DACH2: variants seen among roughly 807,000 people sequenced by gnomAD.
DACH2 encodes dachshund homolog 2.
Under a neutral mutation model 35.8 loss-of-function variants are expected in DACH2, and 17 were observed. The ratio of observed to expected loss-of-function variants is 0.48; its 90% confidence interval spans 0.33 to 0.71. The LOEUF is 0.71. Among genes scored for constraint, DACH2 ranks in the 30% least tolerant of loss-of-function variants. The probability of loss-of-function intolerance (pLI) is 0.02; values close to 1 mark genes in which losing one functional copy is unlikely to be tolerated. For missense variants in DACH2, 469 were observed against 472.7 expected, an observed-to-expected ratio of 0.99 and a Z score of 0.07; for synonymous variants, 195 against 177.3, an observed-to-expected ratio of 1.10 and a Z score of -0.79.
intron 7 of DACH2, among the ~76,000 whole-genome samples, chrX:86,788,824 C>A (rs373310885): frequency 1.0e-4 from 11 of 107,604 alleles, no homozygotes; most frequent in African/African-American, 3.7e-4. Flanking sequence ...CTTTTTTTAA[C>A]CTCCTTGATA....
intron 1 of DACH2, among the ~76,000 whole-genome samples, chrX:86,228,503 G>C (rs1422675925): frequency 1.8e-5 from 2 of 109,244 alleles, no homozygotes; most frequent in African/African-American, 6.7e-5. Flanking sequence ...TGGATCAAAT[G>C]GTGGTTCTAC....
At chrX:86,378,785 T>A (rs955519463) in intron 2 of DACH2, among the ~76,000 whole-genome samples, 12 of 110,776 alleles carry the variant, frequency 1.1e-4, no homozygotes, top group African/African-American at 3.9e-4. Flanking sequence ...ACCTGAAGCC[T>A]TTGATCATGG....
At chrX:86,546,476 C>T (rs867307974) in intron 3 of DACH2, among the ~76,000 whole-genome samples, 21 of 74,641 alleles carry the variant, frequency 2.8e-4, no homozygotes, top group East Asian at 8.9e-4. Flanking sequence ...CTTATTCTTC[C>T]TCTTCTTCCT....
intron 1 of DACH2, among the ~76,000 whole-genome samples, chrX:86,254,807 T>TATAGAGAGAGAGAGAGAG (rs1380613474): frequency 6.0e-5 from 3 of 49,660 alleles, no homozygotes; most frequent in African/African-American, 3.5e-4. Context: ...TATATATATA[T>TATAGAGAGAGAGAGAGAG]AGAGAGAGAG....
At chrX:86,499,182 G>A (rs1327451527) in intron 2 of DACH2, among the ~76,000 whole-genome samples, 1 of 112,033 alleles carries the variant, frequency 8.9e-6, no homozygotes, top group Admixed American at 9.5e-5. Flanking sequence ...TAAGGAAATT[G>A]TTGCTTGAAG....
intron 5 of DACH2, among the ~76,000 whole-genome samples, chrX:86,702,997 G>A (rs780087998): frequency 9.0e-6 from 1 of 110,958 alleles, no homozygotes; most frequent in Admixed American, 9.7e-5. Flanking sequence ...TATCCCTGAT[G>A]AACCTAAATG....
chrX:86,553,482 C>T (rs934676787), intron 3 of DACH2, among the ~76,000 whole-genome samples: 1 of 111,667 alleles, frequency 9.0e-6, no homozygotes, highest in Non-Finnish European at 1.9e-5. Context: ...AGGAACAATA[C>T]TTTGCATCCT....
At chrX:86,748,451 G>A (rs1193210826) in intron 7 of DACH2, among the ~76,000 whole-genome samples, 1 of 111,942 alleles carries the variant, frequency 8.9e-6, no homozygotes, top group Non-Finnish European at 1.9e-5. Context: ...TAGCAGGCAT[G>A]AAAAATGAAT....
intron 2 of DACH2, among the ~76,000 whole-genome samples, chrX:86,466,834 C>T (rs2037678564): frequency 9.0e-6 from 1 of 111,163 alleles, no homozygotes; most frequent in Admixed American, 9.6e-5. Context: ...AAGCCACGTC[C>T]CCAGCTCTAC....
chrX:86,698,521 GTTTTTTTTTTTT>G (rs767152609), intron 5 of DACH2, among the ~76,000 whole-genome samples: 1 of 32,957 alleles, frequency 3.0e-5, no homozygotes, highest in African/African-American at 1.5e-4. Context: ...TTAGTTTTGT[GTTTTTTTTTTTT>G]TTTTTTTTTT....
intron 3 of DACH2, among the ~76,000 whole-genome samples, chrX:86,521,210 G>T (rs1274802167): frequency 8.9e-6 from 1 of 111,765 alleles, no homozygotes; most frequent in Non-Finnish European, 1.9e-5. Flanking sequence ...TTTTCTTTAA[G>T]AATGTTGAAT....
At chrX:86,180,795 A>T (rs1018630050) in intron 1 of DACH2, among the ~76,000 whole-genome samples, 1 of 111,956 alleles carries the variant, frequency 8.9e-6, no homozygotes. Context: ...TATTTTGATA[A>T]TCGAAGCCAA....
At chrX:86,246,959 G>A (rs1476582970) in intron 1 of DACH2, among the ~76,000 whole-genome samples, 3 of 111,344 alleles carry the variant, frequency 2.7e-5, no homozygotes, top group African/African-American at 6.5e-5. Context: ...ACATGGATAG[G>A]CTCAAAGAAA....
At chrX:86,561,929 A>C (rs1361422724) in intron 3 of DACH2, among the ~76,000 whole-genome samples, 3 of 101,731 alleles carry the variant, frequency 2.9e-5, no homozygotes, top group African/African-American at 1.1e-4. Context: ...AAGAGAATTC[A>C]GCAAGGATTC....
chrX:86,282,491 T>TA (rs1469341949), intron 1 of DACH2, among the ~76,000 whole-genome samples: 3 of 111,146 alleles, frequency 2.7e-5, no homozygotes, highest in African/African-American at 9.8e-5. Flanking sequence ...ACACCTTATA[T>TA]AAAAATTAAC....
At chrX:86,735,064 A>T (rs1210839456) in intron 6 of DACH2, among the ~76,000 whole-genome samples, 2 of 111,945 alleles carry the variant, frequency 1.8e-5, no homozygotes, top group Non-Finnish European at 3.8e-5. Context: ...AAAAGAAGAC[A>T]TCTATTACAT....
At chrX:86,575,348 GT>G (rs1395355300) in intron 3 of DACH2, among the ~76,000 whole-genome samples, 1 of 110,960 alleles carries the variant, frequency 9.0e-6, no homozygotes, top group Non-Finnish European at 1.9e-5. Flanking sequence ...CAATGCAATG[GT>G]GGGGGGGGAA....
chrX:86,748,175 A>G (rs2041733026), intron 7 of DACH2, among the ~76,000 whole-genome samples: 1 of 112,164 alleles, frequency 8.9e-6, no homozygotes, highest in Non-Finnish European at 1.9e-5. Flanking sequence ...GAGTCCCTCA[A>G]AGTCATCCAC....
At position 86,417,157 on chromosome X, in the gene DACH2, G is replaced by A. The variant is rs1392843352; in HGVS notation, c.527+40295G>A. On this transcript the variant is annotated intron_variant, in intron 2 of 11. Coordinates refer to ENST00000373125, the MANE Select transcript of DACH2 (RefSeq NM_053281.3). ...CTCCCATACACTAATAGATCAAGAA[G>A]ACACTCCATTACTGTGAGGAAAGTA... 1.2e-4 allele frequency among the ~76,000 whole-genome samples: 10 copies of A among 86,302 alleles called. 1 individual carries two copies. The Admixed American group carries it at 1.3e-3, about 12-fold the overall frequency. 74.9% of individuals were successfully genotyped at this position (86,302 alleles called of 115,157 possible).
Sources: allele counts gnomAD v4.1 joint callset (sites outside exome capture counted in the v4.1 genomes callset), GRCh38; gene constraint gnomAD v4.1.1; transcripts MANE v1.5; gene names NCBI Gene and HGNC (gene_info 2026-07-23, HGNC 2026-07-21).